CYP19A1: variants seen among roughly 807,000 people sequenced by gnomAD.
CYP19A1 encodes cytochrome P450 family 19 subfamily A member 1.
CYP19A1 carries 32 observed loss-of-function variants against 44.4 expected under a neutral mutation model. The observed-to-expected ratio is 0.72, with a 90% confidence interval of 0.54 to 0.97. The LOEUF is 0.97. CYP19A1 is among the 50% of genes least tolerant of loss of function. The pLI, the probability that CYP19A1 is intolerant of heterozygous loss-of-function variation, is 0.00. For synonymous variants in CYP19A1, 212 were observed against 215.6 expected (o/e 0.98, Z 0.14); for missense variants, 598 against 637.8 (o/e 0.94, Z 0.67).
chr15:51,290,223 A>C (rs1198318213), intron 1 of CYP19A1, among the ~76,000 whole-genome samples: 1 of 152,182 alleles, frequency 6.6e-6, no homozygotes, highest in East Asian at 1.9e-4. Context: ...TTAATAATAA[A>C]AAGAAGAAAC....
intron 1 of CYP19A1, among the ~76,000 whole-genome samples, chr15:51,272,198 C>T (rs975661372): frequency 6.6e-6 from 1 of 152,192 alleles, no homozygotes; most frequent in Non-Finnish European, 1.5e-5. Context: ...CATATCTTTT[C>T]CTATCCTCGT....
chr15:51,270,739 A>C lies in CYP19A1; in HGVS notation c.-38-27789T>G, dbSNP rs548222909. Among the ~76,000 whole-genome samples the C allele has an allele frequency of 1.4e-4, 22 of 152,318 alleles. No homozygotes were observed. The South Asian group carries it at 3.1e-3, about 22-fold the overall frequency. ...TCTTTCTGAGGAAAGACCAAAATCC[A>C]TCCGTCTGACTCTAGAGTTCATGCT... is the stretch of plus-strand genomic sequence containing the variant. On this transcript the variant is annotated intron_variant, in intron 1 of 9. Coordinates refer to ENST00000396402, the MANE Select transcript of CYP19A1 (RefSeq NM_000103.4).
chr15:51,323,017 A>G (rs1157802897), intron 1 of CYP19A1, among the ~76,000 whole-genome samples: 1 of 152,232 alleles, frequency 6.6e-6, no homozygotes, highest in African/African-American at 2.4e-5. Context: ...TTCTGCACCA[A>G]ATGAATGCTG....
At chr15:51,219,876 C>G (rs2031920251) in intron 5 of CYP19A1, among the ~76,000 whole-genome samples, 1 of 152,162 alleles carries the variant, frequency 6.6e-6, no homozygotes, top group Admixed American at 6.5e-5. Flanking sequence ...GAACAGGCAC[C>G]CTGGGAGTGG....
chr15:51,222,884 G>A (rs2032234543), intron 4 of CYP19A1, among the ~76,000 whole-genome samples: 1 of 151,884 alleles, frequency 6.6e-6, no homozygotes, highest in Admixed American at 6.6e-5. Context: ...CATATTTATT[G>A]CATACATTTC....
At chr15:51,272,437 A>G (rs1194376563) in intron 1 of CYP19A1, among the ~76,000 whole-genome samples, 1 of 152,246 alleles carries the variant, frequency 6.6e-6, no homozygotes, top group Non-Finnish European at 1.5e-5. Flanking sequence ...TATACATTTT[A>G]TAAACAAACA....
At chr15:51,283,208 TAAAG>T (rs35384027) in intron 1 of CYP19A1, among the ~76,000 whole-genome samples, 14,630 of 152,034 alleles carry the variant, frequency 0.096, 785 homozygotes, top group African/African-American at 0.12. Context: ...CGGAGGAAAT[TAAAG>T]AAAGGGAAAC....
chr15:51,281,242 A>C (rs1317343465), intron 1 of CYP19A1, among the ~76,000 whole-genome samples: 2 of 152,176 alleles, frequency 1.3e-5, no homozygotes, highest in African/African-American at 2.4e-5. Flanking sequence ...TAGTGACCAC[A>C]ACTCTATTCT....
At chr15:51,320,248 A>T (rs1478785547) in intron 1 of CYP19A1, 1 of 152,294 alleles carries the variant, frequency 6.6e-6, no homozygotes, top group Non-Finnish European at 1.5e-5. Flanking sequence ...GGGTCCAATC[A>T]GTTGTCAAGA....
chr15:51,310,002 G>A (rs1283582973), intron 1 of CYP19A1, among the ~76,000 whole-genome samples: 1 of 152,176 alleles, frequency 6.6e-6, no homozygotes, highest in Non-Finnish European at 1.5e-5. Flanking sequence ...AAAACTTGGA[G>A]CCATAGACTC....
rs1159870053 is a variant in CYP19A1 at position 51,297,817 on chromosome 15, G to GACACACACACACACACACACAC, written c.-39+40656_-39+40677dup. ...TTCTGGAGAGATTCACTGTAGGCAT[G>GACACACACACACACACACACAC]ACACACACACACACACACACACACA... On this transcript the variant is annotated intron_variant, in intron 1 of 9. Coordinates refer to ENST00000396402, the MANE Select transcript of CYP19A1 (RefSeq NM_000103.4). Among the ~76,000 whole-genome samples the GACACACACACACACACACACAC allele has an allele frequency of 7.2e-4, 81 of 111,784 alleles. 3 individuals carry two copies. The highest frequency in any genetic ancestry group is 4.4e-3 in the Middle Eastern group (1 of 226). 73.3% of individuals were successfully genotyped at this position (111,784 alleles called of 152,430 possible).
At chr15:51,301,790 G>A (rs2036120113) in intron 1 of CYP19A1, among the ~76,000 whole-genome samples, 1 of 152,130 alleles carries the variant, frequency 6.6e-6, no homozygotes, top group Non-Finnish European at 1.5e-5. Context: ...GAAAATACTG[G>A]TTATGCTGGG....
At chr15:51,301,760 G>A (rs2036119089) in intron 1 of CYP19A1, among the ~76,000 whole-genome samples, 1 of 152,150 alleles carries the variant, frequency 6.6e-6, no homozygotes, top group African/African-American at 2.4e-5. Flanking sequence ...TCAGCCCACT[G>A]GGAATGATTA....
chr15:51,282,277 A>G (rs912909231), intron 1 of CYP19A1, among the ~76,000 whole-genome samples: 22 of 152,208 alleles, frequency 1.4e-4, no homozygotes, highest in African/African-American at 5.3e-4. Context: ...AAAAAAGCTG[A>G]GGCAGGGCTT....
chr15:51,328,225 A>T (rs1426527576), intron 1 of CYP19A1, among the ~76,000 whole-genome samples: 1 of 152,250 alleles, frequency 6.6e-6, no homozygotes, highest in East Asian at 1.9e-4. Flanking sequence ...AGTGTATTTT[A>T]AAACTGCAAA....
In CYP19A1 at chr15:51,271,056, A is replaced by C. The variant is rs182807129; in HGVS notation, c.-38-28106T>G. 9.8e-3 allele frequency among the ~76,000 whole-genome samples: 1,449 copies of C among 147,592 alleles called. 24 individuals are homozygous for C. The highest frequency in any genetic ancestry group is 0.033 in the African/African-American group (1,333 of 40,048). The stretch of plus-strand genomic sequence containing the variant: ...GCAAGTCTAAGCATTTTTTTTTTTT[A>C]CTTCTCTGCTGCCTTTGCAGAGAAC... On this transcript the variant is annotated intron_variant, in intron 1 of 9. Coordinates refer to ENST00000396402, the MANE Select transcript of CYP19A1 (RefSeq NM_000103.4).
chr15:51,251,127 G>A (rs2034291185), intron 1 of CYP19A1, among the ~76,000 whole-genome samples: 1 of 152,176 alleles, frequency 6.6e-6, no homozygotes, highest in Non-Finnish European at 1.5e-5. Context: ...ACACTGAGGT[G>A]AGGGCGAAAG....
At position 51,246,285 on chromosome 15, in the gene CYP19A1, A is replaced by G. The variant is rs550726622; in HGVS notation, c.-38-3335T>C. On this transcript the variant is annotated intron_variant, in intron 1 of 9. Transcript: ENST00000396402. ...CACCCCCAAACACACATGTACATGC[A>G]CATGGCCCTCAGGTGCTATGCATTT... Among the ~76,000 whole-genome samples, 6 of 152,248 alleles carry G rather than the reference A, an allele frequency of 3.9e-5. No homozygotes were observed. In the East Asian group the frequency reaches 7.7e-4, roughly 20 times the overall value.
At chr15:51,294,555 G>A (rs1354962077) in intron 1 of CYP19A1, among the ~76,000 whole-genome samples, 7 of 150,420 alleles carry the variant, frequency 4.7e-5, no homozygotes, top group Admixed American at 6.6e-5. Flanking sequence ...GTCTCCGCCC[G>A]GCAGCCGCCC....
Sources: gnomAD v4.1 joint callset for allele counts (sites outside exome capture counted in the v4.1 genomes callset) on GRCh38, gnomAD v4.1.1 for gene constraint, MANE v1.5 for transcripts, NCBI Gene and HGNC (gene_info 2026-07-23, HGNC 2026-07-21) for gene names.